The following CSN3 variants were observed in gnomAD, a reference collection of about 807,000 sequenced individuals.
The protein encoded by CSN3 is casein kappa.
CSN3 carries 7 observed loss-of-function variants against 9.9 expected under a neutral mutation model. The ratio of observed to expected loss-of-function variants is 0.71; its 90% CI spans 0.40 to 1.33. The LOEUF is 1.33. Among genes scored for constraint, CSN3 ranks in the 40% most tolerant of loss-of-function variants. The pLI is 0.01. For missense variants in CSN3, 253 were observed against 227.9 expected (o/e 1.11, Z -0.71); for synonymous variants, 88 against 82.3 (o/e 1.07, Z -0.37).
chr4:70,249,247 C>G, exon 4 of CSN3: 2 of 1,614,122 alleles, frequency 1.2e-6, no homozygotes, highest in Non-Finnish European at 1.7e-6. Context: ...TCGCCCAAAC[C>G]TGCATCCATC....
chr4:70,242,340 T>C (rs976968983), upstream of CSN3, among the ~76,000 whole-genome samples: 4 of 120,140 alleles, frequency 3.3e-5, no homozygotes, highest in Non-Finnish European at 7.9e-5. Flanking sequence ...CTTTAAGTTT[T>C]AGGGTACATG....
At chr4:70,241,760 A>G (rs1179420005), upstream of CSN3, among the ~76,000 whole-genome samples, 1 of 151,992 alleles carries the variant, frequency 6.6e-6, no homozygotes, top group Non-Finnish European at 1.5e-5. Flanking sequence ...TGGTTCACCT[A>G]TATTATTGAA....
At position 70,246,986 on chromosome 4, in the gene CSN3, C is replaced by T. The variant is rs1181595206; in HGVS notation, c.55-832C>T. On this transcript the variant is annotated intron_variant, in intron 2 of 4. Coordinates refer to ENST00000304954, the Ensembl canonical transcript of CSN3. The stretch of plus-strand genomic sequence containing the variant: ...TGCCCGGCCTCATATTACTTCTTTA[C>T]ATTTTAAACTAATGATTTAATATAT... Among the ~76,000 whole-genome samples the T allele has an allele frequency of 2.6e-5, 4 of 152,116 alleles. No homozygotes were observed. In the East Asian group the frequency reaches 7.7e-4, roughly 29 times the overall value.
chr4:70,244,946 C>T (rs965860510), intron 2 of CSN3, 73 bp downstream of exon 2: 5 of 771,958 alleles, frequency 6.5e-6, no homozygotes, highest in African/African-American at 3.6e-5. Context: ...ACTATGCAAA[C>T]TTCTAAATAC....
chr4:70,248,217 A>C (rs544569537), intron 3 of CSN3, among the ~76,000 whole-genome samples: 7 of 152,258 alleles, frequency 4.6e-5, no homozygotes, highest in African/African-American at 1.7e-4. Context: ...CCATCTTTGA[A>C]TACTTCTCAT....
chr4:70,246,268 G>A (rs1730375477), intron 2 of CSN3, among the ~76,000 whole-genome samples: 1 of 152,080 alleles, frequency 6.6e-6, no homozygotes, highest in African/African-American at 2.4e-5. Flanking sequence ...ATTATAATTT[G>A]ACACAACTTT....
chr4:70,251,024 T>C (rs566119122), intron 4 of CSN3, among the ~76,000 whole-genome samples: 1 of 152,190 alleles, frequency 6.6e-6, no homozygotes, highest in South Asian at 2.1e-4. Flanking sequence ...AGTTACATAT[T>C]TTACTGATGC....
intron 1 of CSN3, among the ~76,000 whole-genome samples, 177 bp from the exon 2 acceptor site, chr4:70,244,635 T>C (rs1316720456): frequency 6.6e-6 from 1 of 152,064 alleles, no homozygotes; most frequent in Non-Finnish European, 1.5e-5. Flanking sequence ...AATTCAGAAA[T>C]TTTTACTCCA....
intron 1 of CSN3, among the ~76,000 whole-genome samples, chr4:70,244,378 T>C (rs1285941540): frequency 4.6e-5 from 7 of 152,068 alleles, no homozygotes; most frequent in African/African-American, 1.7e-4. Context: ...AAGCCTCATC[T>C]ATATGTCATT....
chr4:70,246,316 A>G (rs1464661547), intron 2 of CSN3, among the ~76,000 whole-genome samples: 1 of 152,164 alleles, frequency 6.6e-6, no homozygotes, highest in East Asian at 1.9e-4. Context: ...CAAAGAATCA[A>G]ATCTCATTTG....
In CSN3 at chr4:70,247,799, T is replaced by C; in HGVS notation, c.55-19T>C. The C allele has an allele frequency of 6.3e-7, 1 of 1,582,028 alleles. No homozygotes were observed. On this transcript the variant is annotated intron_variant, in intron 2 of 4. Coordinates refer to ENST00000304954, the Ensembl canonical transcript of CSN3. ...TTTTTAACTTATTTCTCATTATTTC[T>C]TCTTCTGGAACTCCCCAGGCTGTGG...
chr4:70,248,098 A>G (rs1730414962), intron 3 of CSN3, among the ~76,000 whole-genome samples: 1 of 152,166 alleles, frequency 6.6e-6, no homozygotes, highest in African/African-American at 2.4e-5. Flanking sequence ...ATATTTAGCA[A>G]TATGAGAAAA....
intron 2 of CSN3, among the ~76,000 whole-genome samples, chr4:70,246,773 G>A (rs6837872): frequency 6.7e-6 from 1 of 149,644 alleles, no homozygotes; most frequent in South Asian, 2.1e-4. Context: ...CCAGGTTTAA[G>A]CGATTTTCCT....
upstream of CSN3, among the ~76,000 whole-genome samples, chr4:70,239,364 CTGTT>C (rs570753817): frequency 1.6e-3 from 242 of 151,912 alleles, no homozygotes; most frequent in African/African-American, 5.4e-3. Flanking sequence ...GTTGATCTGG[CTGTT>C]TATTTTGAAT....
intron 1 of CSN3, among the ~76,000 whole-genome samples, chr4:70,244,426 C>G (rs1228631611): frequency 1.3e-5 from 2 of 152,008 alleles, no homozygotes; most frequent in Non-Finnish European, 2.9e-5. Flanking sequence ...TTAACTGAAA[C>G]TTTTATTAAT....
upstream of CSN3, among the ~76,000 whole-genome samples, chr4:70,239,526 C>T (rs112809318): frequency 6.9e-3 from 1,053 of 151,954 alleles, 14 homozygotes; most frequent in African/African-American, 0.024. Context: ...AATCTTTGGA[C>T]CCTAAAACTT....
At chr4:70,238,976 T>C (rs142661224), upstream of CSN3, among the ~76,000 whole-genome samples, 47 of 151,948 alleles carry the variant, frequency 3.1e-4, no homozygotes, top group African/African-American at 8.9e-4. Context: ...TACGTGCAAA[T>C]AGAGATTTTA....
intron 1 of CSN3, 36 bp from the exon 2 acceptor site, chr4:70,244,776 T>C: frequency 1.6e-6 from 2 of 1,287,398 alleles, no homozygotes; most frequent in Non-Finnish European, 2.1e-6. Context: ...AGTAACAAAT[T>C]CTTTTAAATT....
chr4:70,250,233 A>T (rs1306979493), intron 4 of CSN3, among the ~76,000 whole-genome samples: 1 of 152,226 alleles, frequency 6.6e-6, no homozygotes, highest in African/African-American at 2.4e-5. Context: ...AAAGTGGAAA[A>T]TATCCAAAGA....
Sources: allele counts gnomAD v4.1 joint callset (sites outside exome capture counted in the v4.1 genomes callset), GRCh38; gene constraint gnomAD v4.1.1; transcripts MANE v1.5; gene names NCBI Gene and HGNC (gene_info 2026-07-23, HGNC 2026-07-21).